BMP2K: variants seen among roughly 807,000 people sequenced by gnomAD.
BMP2K encodes BMP2 inducible kinase, also known as BMP-2-inducible protein kinase.
A neutral mutation model predicts 116.0 loss-of-function variants in BMP2K; 74 were observed. The ratio of observed to expected loss-of-function variants is 0.64; its 90% confidence interval spans 0.53 to 0.77. The LOEUF (loss-of-function observed/expected upper bound fraction) is 0.77, where lower values mean the gene tolerates loss of function less well. Among genes scored for constraint, BMP2K ranks in the 30% least tolerant of loss-of-function variants. BMP2K has a pLI of 0.00. For synonymous variants in BMP2K, 486 were observed against 502.5 expected, an observed-to-expected ratio of 0.97 and a Z score of 0.44; for missense variants, 1,365 against 1,403.6, an observed-to-expected ratio of 0.97 and a Z score of 0.44.
intron 9 of BMP2K, among the ~76,000 whole-genome samples, chr4:78,862,956 A>G (rs1460612094): frequency 6.6e-6 from 1 of 152,072 alleles, no homozygotes; most frequent in African/African-American, 2.4e-5. Context: ...GTTGAATTTT[A>G]TTGTGACTTC....
At chr4:78,850,851 CAT>C in intron 6 of BMP2K, 71 bp from the exon 7 acceptor site, 1 of 1,510,658 alleles carries the variant, frequency 6.6e-7, no homozygotes, top group Non-Finnish European at 9.0e-7. Flanking sequence ...TTTAAAGTAA[CAT>C]TGAGTTTTTG....
chr4:78,796,844 T>C (rs1728316231), intron 1 of BMP2K, among the ~76,000 whole-genome samples: 1 of 152,174 alleles, frequency 6.6e-6, no homozygotes, highest in African/African-American at 2.4e-5. Context: ...TGTAGTCTTT[T>C]TCAGTTCTGC....
intron 1 of BMP2K, among the ~76,000 whole-genome samples, chr4:78,817,239 A>G (rs1185400819): frequency 6.6e-6 from 1 of 152,204 alleles, no homozygotes; most frequent in African/African-American, 2.4e-5. Flanking sequence ...AATTCCATTC[A>G]ATTCTGACAC....
chr4:78,826,214 T>A (rs1729867051), intron 2 of BMP2K, 59 bp downstream of exon 2: 2 of 1,410,712 alleles, frequency 1.4e-6, no homozygotes, highest in African/African-American at 2.8e-5. Flanking sequence ...TTTATTTTTC[T>A]TGGGATGGAG....
At position 78,776,475 on chromosome 4, in the gene BMP2K, C is replaced by T. The variant is rs2109907336; in HGVS notation, c.-69C>T. On this transcript the variant is annotated 5_prime_UTR_variant, in exon 1 of 16. Coordinates refer to ENST00000502613, the MANE Select transcript of BMP2K (RefSeq NM_198892.2). Reference sequence around the variant, plus strand: ...AGGGGCGGCGACCCCTCGCGGACGCCCGGCTGCGCGCCGGGCCGGGGACTT... The same window carrying T: ...AGGGGCGGCGACCCCTCGCGGACGCTCGGCTGCGCGCCGGGCCGGGGACTT... 2 of 1,107,562 alleles carry T rather than the reference C, an allele frequency of 1.8e-6. No homozygotes were observed. Among genetic ancestry groups the T allele is most frequent in the East Asian group, 5.4e-5 (1 of 18,380 alleles). The allele number at this position is 1,107,562 out of a possible 1,614,324, so 68.6% of individuals were successfully genotyped here.
intron 7 of BMP2K, among the ~76,000 whole-genome samples, chr4:78,855,865 T>C (rs1438046835): frequency 6.6e-6 from 1 of 152,142 alleles, no homozygotes; most frequent in East Asian, 1.9e-4. Context: ...GATTTTATAT[T>C]TATAGTAGAA....
chr4:78,813,629 A>G (rs1729195171), intron 1 of BMP2K, among the ~76,000 whole-genome samples: 1 of 151,894 alleles, frequency 6.6e-6, no homozygotes, highest in Admixed American at 6.6e-5. Context: ...TGTTCTCTTT[A>G]CCTGGAATGT....
rs371511868 is a variant in BMP2K at position 78,911,541 on chromosome 4, T to C, written c.2994T>C (p.His998=). 2.3e-4 allele frequency: 370 copies of C among 1,613,930 alleles called. No homozygotes were observed. Among genetic ancestry groups the C allele is most frequent in the Non-Finnish European group, 3.0e-4 (358 of 1,179,908 alleles). The change falls in exon 16 of 16, where the codon CAT becomes CAC. Residue 998 remains histidine, a synonymous_variant. Transcript: ENST00000502613. Reference sequence around the variant, plus strand: ...CCAAAAGTAATGGGAAGCGGCATCATGGCACGCCAACTAGCACAAAGAAGA... The same window carrying C: ...CCAAAAGTAATGGGAAGCGGCATCACGGCACGCCAACTAGCACAAAGAAGA... ...DMSKSNGKRH[H]GTPTSTKKTL...
At chr4:78,872,120 A>G (rs1311348012) in intron 12 of BMP2K, among the ~76,000 whole-genome samples, 172 bp downstream of exon 12, 1 of 152,168 alleles carries the variant, frequency 6.6e-6, no homozygotes, top group Non-Finnish European at 1.5e-5. Flanking sequence ...GCACTGAACT[A>G]TGGCACCTGA....
At chr4:78,826,887 C>T (rs551004414) in intron 2 of BMP2K, among the ~76,000 whole-genome samples, 57 of 152,146 alleles carry the variant, frequency 3.7e-4, no homozygotes, top group African/African-American at 1.3e-3. Flanking sequence ...GAAATTAAAC[C>T]CTACAAATAC....
chr4:78,813,569 G>A (rs181039983), intron 1 of BMP2K, among the ~76,000 whole-genome samples: 1 of 152,262 alleles, frequency 6.6e-6, no homozygotes, highest in Non-Finnish European at 1.5e-5. Flanking sequence ...TCCCTTTGCT[G>A]TTCCTCAAAC....
In BMP2K at chr4:78,828,499, C is replaced by A. The variant is rs192809283; in HGVS notation, c.297+2344C>A. Among the ~76,000 whole-genome samples, 406 of 152,204 alleles carry A rather than the reference C, an allele frequency of 2.7e-3. 4 individuals are homozygous for A. Among genetic ancestry groups the A allele is most frequent in the Non-Finnish European group, 8.4e-4 (57 of 68,012 alleles). ...CCCAGGGTATAGTGCAGGACTCTTT[C>A]TGGGGAGAGTTTTAAGACCCACAAT... On this transcript the variant is annotated intron_variant, in intron 2 of 15. Coordinates refer to ENST00000502613, the MANE Select transcript of BMP2K (RefSeq NM_198892.2).
chr4:78,841,505 C>T (rs977775687), intron 3 of BMP2K, among the ~76,000 whole-genome samples: 2 of 152,094 alleles, frequency 1.3e-5, no homozygotes, highest in African/African-American at 4.8e-5. Context: ...GGTCCATTAT[C>T]TGTTATCTGG....
intron 7 of BMP2K, among the ~76,000 whole-genome samples, chr4:78,855,902 A>G (rs1029263236): frequency 6.6e-6 from 1 of 152,142 alleles, no homozygotes; most frequent in Non-Finnish European, 1.5e-5. Flanking sequence ...TGGTCTTGTG[A>G]TGATTCAGGT....
rs1011274561 is a variant in BMP2K at position 78,911,684 on chromosome 4, G to A, written c.3137G>A (p.Ser1046Asn). The change falls in exon 16 of 16, where the codon AGT (serine) becomes AAT (asparagine). Residue 1046 changes from serine (S) to asparagine (N), a missense_variant. By Grantham distance (46) the Ser-to-Asn change is conservative (BLOSUM62 1). This residue lies in a region of BMP2K where 596 missense variants were observed against 623.2 expected (regional missense o/e 0.96). Transcript: ENST00000502613. Reference protein sequence around the residue: ...LTISDSKENISVALTDGKDRG... With the variant: ...LTISDSKENINVALTDGKDRG... ...ATCTCAGACTCCAAGGAGAACATTA[G>A]TGTTGCACTGACTGATGGGAAAGAT... 1.9e-6 allele frequency: 3 copies of A among 1,613,922 alleles called. No homozygotes were observed. Among genetic ancestry groups the A allele is most frequent in the African/African-American group, 1.3e-5 (1 of 75,016 alleles).
chr4:78,852,851 A>G (rs1731325314), intron 7 of BMP2K, among the ~76,000 whole-genome samples: 1 of 152,122 alleles, frequency 6.6e-6, no homozygotes, highest in Non-Finnish European at 1.5e-5. Flanking sequence ...CAGTCCTGCC[A>G]CCACAGTCTC....
rs867963954 is a variant in BMP2K at position 78,859,520 on chromosome 4, G to A, written c.884-64G>A. The A allele has an allele frequency of 4.0e-5, 39 of 972,228 alleles. No individual in the cohort carries two copies. In the African/African-American group the frequency reaches 6.1e-4, roughly 15 times the overall value. 60.2% of individuals were successfully genotyped at this position (972,228 alleles called of 1,614,324 possible). A position where few individuals can be genotyped will look rare whatever the true frequency, so the allele number is the denominator to read the frequency against. ...AATACATATTTTTTATCCTTATAAT[G>A]TGCCCCTAAGTAGTATAATGTGTGT... On this transcript the variant is annotated intron_variant, in intron 7 of 15. Coordinates refer to ENST00000502613, the MANE Select transcript of BMP2K (RefSeq NM_198892.2).
At chr4:78,824,453 A>T (rs1319558267) in intron 1 of BMP2K, among the ~76,000 whole-genome samples, 2 of 152,182 alleles carry the variant, frequency 1.3e-5, no homozygotes, top group Admixed American at 1.3e-4. Flanking sequence ...ATGCAGGGCA[A>T]ATCCCATTTA....
chr4:78,829,852 T>TTCTC (rs1730121746), intron 2 of BMP2K, among the ~76,000 whole-genome samples: 2 of 83,090 alleles, frequency 2.4e-5, no homozygotes, highest in Non-Finnish European at 5.6e-5. Flanking sequence ...CTTCTCTTCT[T>TTCTC]TTTTTCTTTT....
Sources: allele counts gnomAD v4.1 joint callset (sites outside exome capture counted in the v4.1 genomes callset), GRCh38; gene constraint gnomAD v4.1.1; regional missense constraint gnomAD v4.1.1; transcripts MANE v1.5; gene names NCBI Gene and HGNC (gene_info 2026-07-23, HGNC 2026-07-21).